PPP3CA: variants seen among roughly 807,000 people sequenced by gnomAD.
The protein encoded by PPP3CA is protein phosphatase 3 catalytic subunit alpha.
Under a neutral mutation model 66.5 loss-of-function variants are expected in PPP3CA, and 14 were observed. The ratio of observed to expected loss-of-function variants is 0.21; its 90% CI spans 0.14 to 0.33. PPP3CA has a LOEUF of 0.33. Ranked by LOEUF, PPP3CA falls within the 10% of genes least tolerant of loss-of-function variation. The probability of loss-of-function intolerance (pLI) is 1.00; values close to 1 mark genes in which losing one functional copy is unlikely to be tolerated. For missense variants in PPP3CA, 317 were observed against 639.5 expected (o/e 0.50, Z 5.44); for synonymous variants, 232 against 226.2 (o/e 1.03, Z -0.23).
At position 101,295,904 on chromosome 4, in the gene PPP3CA, G is replaced by A. The variant is rs755399785; in HGVS notation, c.58+50835C>T. 6.6e-5 allele frequency among the ~76,000 whole-genome samples: 10 copies of A among 152,284 alleles called. No homozygotes were observed. In the East Asian group the frequency reaches 7.7e-4, roughly 12 times the overall value. On this transcript the variant is annotated intron_variant, in intron 1 of 13. Coordinates refer to ENST00000394854, the MANE Select transcript of PPP3CA (RefSeq NM_000944.5). ...GAGAGTGAGATATTTTATTCCAATG[G>A]ATCAGACCCAACAAGTTATGAACTT...
At chr4:101,262,213 C>A (rs535470505) in intron 1 of PPP3CA, among the ~76,000 whole-genome samples, 1 of 151,962 alleles carries the variant, frequency 6.6e-6, no homozygotes, top group African/African-American at 2.4e-5. Context: ...CAGTCAAAGG[C>A]AGTGTTATCT....
intron 5 of PPP3CA, among the ~76,000 whole-genome samples, chr4:101,097,999 T>C (rs1730274130): frequency 6.6e-6 from 1 of 152,220 alleles, no homozygotes; most frequent in African/African-American, 2.4e-5. Context: ...ATGGTTATGT[T>C]ATGATATTTT....
chr4:101,171,494 T>A (rs1240632262), intron 2 of PPP3CA, among the ~76,000 whole-genome samples: 1 of 152,126 alleles, frequency 6.6e-6, no homozygotes, highest in Non-Finnish European at 1.5e-5. Flanking sequence ...TCACTGTATA[T>A]CTTGCACTGT....
chr4:101,335,468 C>T (rs1729594281), intron 1 of PPP3CA, among the ~76,000 whole-genome samples: 1 of 152,110 alleles, frequency 6.6e-6, no homozygotes, highest in Admixed American at 6.5e-5. Context: ...GTCTTTATTA[C>T]TTGCCTGTAT....
chr4:101,294,166 G>A (rs1728119724), intron 1 of PPP3CA, among the ~76,000 whole-genome samples: 1 of 152,160 alleles, frequency 6.6e-6, no homozygotes, highest in Non-Finnish European at 1.5e-5. Flanking sequence ...GGTGGCTGAG[G>A]TCATAAGAAT....
chr4:101,052,109 G>A (rs1422837493), intron 10 of PPP3CA, among the ~76,000 whole-genome samples: 3 of 151,930 alleles, frequency 2.0e-5, no homozygotes, highest in Non-Finnish European at 2.9e-5. Context: ...AAACACATTT[G>A]TGCAATCATA....
Position 101,196,069 on chromosome 4 carries a change from C to T in PPP3CA, c.106G>A (p.Asp36Asn), listed in dbSNP as rs1351508365. The change falls in exon 2 of 14, where the codon GAT becomes AAT. Residue 36 changes from aspartate to asparagine, a missense_variant. Transcript: ENST00000394854. ...TCCACACGAGGTTTTCCATCATTAT[C>T]AAACACTTCTTTTGCTGTAAGCCGG... The part of the protein sequence containing the change: ...SHRLTAKEVF[D>N]NDGKPRVDIL... 2 of 1,613,982 alleles carry T rather than the reference C, an allele frequency of 1.2e-6. No homozygotes were observed. The highest frequency in any genetic ancestry group is 3.3e-5 in the Admixed American group (2 of 59,992).
chr4:101,103,839 G>C lies in PPP3CA; in HGVS notation c.385-4117C>G, dbSNP rs150849035. ...TCTCAGAGAAACACACTCAGCCACA[G>C]ACCTATATATACACATATGCTTGAT... On this transcript the variant is annotated intron_variant, in intron 3 of 13. Coordinates refer to ENST00000394854, the MANE Select transcript of PPP3CA (RefSeq NM_000944.5). 3.9e-3 allele frequency among the ~76,000 whole-genome samples: 601 copies of C among 152,288 alleles called. 3 individuals are homozygous for C. The highest frequency in any genetic ancestry group is 6.7e-3 in the Non-Finnish European group (454 of 68,022).
Position 101,337,778 on chromosome 4 carries a change from G to A in PPP3CA, c.58+8961C>T, listed in dbSNP as rs116418397. Reference sequence around the variant, plus strand: ...ACATCTGGGGTAGCGCAGCTTTAGCGGTCTTCTGTAAGGATGGGACTAAGA... The same window carrying A: ...ACATCTGGGGTAGCGCAGCTTTAGCAGTCTTCTGTAAGGATGGGACTAAGA... On this transcript the variant is annotated intron_variant, in intron 1 of 13. Coordinates refer to ENST00000394854, the MANE Select transcript of PPP3CA (RefSeq NM_000944.5). Among the ~76,000 whole-genome samples, 240 of 152,234 alleles carry A rather than the reference G, an allele frequency of 1.6e-3. 1 individual carries two copies. Among genetic ancestry groups the A allele is most frequent in the African/African-American group, 5.4e-3 (224 of 41,544 alleles).
chr4:101,173,637 A>G (rs1224261876), intron 2 of PPP3CA, among the ~76,000 whole-genome samples: 1 of 152,188 alleles, frequency 6.6e-6, no homozygotes, highest in African/African-American at 2.4e-5. Flanking sequence ...ATAACAGTTT[A>G]GCAAAGATGT....
chr4:101,026,079 A>T lies in PPP3CA; in HGVS notation c.1370-18T>A. On this transcript the variant is annotated intron_variant, in intron 13 of 13. Coordinates refer to ENST00000394854, the MANE Select transcript of PPP3CA (RefSeq NM_000944.5). ...TTTGATAGCTAAACAGAAAATCATT[A>T]AAAAAAGAAAACCAGGATTATCCAA... is the stretch of plus-strand genomic sequence containing the variant. The T allele has an allele frequency of 6.4e-7, 1 of 1,562,622 alleles. No homozygotes were observed. Among genetic ancestry groups the T allele is most frequent in the Non-Finnish European group, 8.7e-7 (1 of 1,153,358 alleles).
chr4:101,025,863 G>T lies in PPP3CA; in HGVS notation c.*2C>A. 2 of 1,351,962 alleles carry T rather than the reference G, an allele frequency of 1.5e-6. No homozygotes were observed. The highest frequency in any genetic ancestry group is 2.0e-6 in the Non-Finnish European group (2 of 982,658). The allele number at this position is 1,351,962 out of a possible 1,614,324, so 83.7% of individuals were successfully genotyped here. On this transcript the variant is annotated 3_prime_UTR_variant, in exon 14 of 14. Coordinates refer to ENST00000394854, the MANE Select transcript of PPP3CA (RefSeq NM_000944.5). ...AAAAAAAAAAAAGTGAACAGGAAGT[G>T]GTCACTGAATATTGCTGCTATTACT...
chr4:101,196,273 T>G (rs973896304), intron 1 of PPP3CA, among the ~76,000 whole-genome samples, 157 bp from the exon 2 acceptor site: 3 of 152,212 alleles, frequency 2.0e-5, no homozygotes, highest in African/African-American at 7.2e-5. Flanking sequence ...TATCAAAAAT[T>G]AAGAACTGCA....
intron 10 of PPP3CA, among the ~76,000 whole-genome samples, chr4:101,043,621 T>G (rs1407439872): frequency 1.3e-5 from 2 of 151,734 alleles, no homozygotes; most frequent in African/African-American, 4.8e-5. Flanking sequence ...ACGCCTGTAA[T>G]CCCAGCACTT....
intron 1 of PPP3CA, among the ~76,000 whole-genome samples, chr4:101,334,960 C>T: frequency 6.6e-6 from 1 of 152,204 alleles, no homozygotes; most frequent in East Asian, 1.9e-4. Context: ...TCAGTAAGAT[C>T]AAGCAACTGC....
chr4:101,165,743 T>C (rs904151300), intron 2 of PPP3CA, among the ~76,000 whole-genome samples: 5 of 152,006 alleles, frequency 3.3e-5, no homozygotes, highest in African/African-American at 1.2e-4. Context: ...TACATGAAAA[T>C]AAAAGGAATT....
In PPP3CA at chr4:101,092,711, C is replaced by T. The variant is rs1244988280; in HGVS notation, c.782+1065G>A. Among the ~76,000 whole-genome samples, 5 of 151,882 alleles carry T rather than the reference C, an allele frequency of 3.3e-5. No homozygotes were observed. In the East Asian group the frequency reaches 7.7e-4, roughly 23 times the overall value. The stretch of plus-strand genomic sequence containing the variant: ...TGTTTGGTTTTCTGTTCTTGTGATA[C>T]TTTGTTGCATTGGGGCAAAAATAAT... On this transcript the variant is annotated intron_variant, in intron 6 of 13. Transcript: ENST00000394854.
chr4:101,053,548 T>C (rs955334527), intron 10 of PPP3CA, among the ~76,000 whole-genome samples: 7 of 152,144 alleles, frequency 4.6e-5, no homozygotes, highest in Admixed American at 4.6e-4. Flanking sequence ...TAAATTCAGT[T>C]ATTACTTAAT....
chr4:101,094,147 C>A (rs1175522185), intron 5 of PPP3CA, among the ~76,000 whole-genome samples: 5 of 152,050 alleles, frequency 3.3e-5, no homozygotes, highest in Non-Finnish European at 4.4e-5. Flanking sequence ...CATTTAGTAT[C>A]TATCTTCATC....
Sources: gnomAD v4.1 joint callset for allele counts (sites outside exome capture counted in the v4.1 genomes callset) on GRCh38, gnomAD v4.1.1 for gene constraint, MANE v1.5 for transcripts, NCBI Gene and HGNC (gene_info 2026-07-23, HGNC 2026-07-21) for gene names.